Variants in MPPED2 observed in about 807,000 individuals in gnomAD.
MPPED2 encodes the protein metallophosphoesterase domain containing 2.
A neutral mutation model predicts 33.0 loss-of-function variants in MPPED2; 5 were observed. The observed-to-expected ratio is 0.15, with a 90% CI of 0.08 to 0.32. The LOEUF (loss-of-function observed/expected upper bound fraction) is 0.32. Among genes scored for constraint, MPPED2 ranks in the 10% least tolerant of loss-of-function variants. The probability of loss-of-function intolerance (pLI) is 1.00; values close to 1 mark genes in which losing one functional copy is unlikely to be tolerated. For missense variants in MPPED2, 275 were observed against 372.1 expected (o/e 0.74, Z 2.15); for synonymous variants, 136 against 141.9 (o/e 0.96, Z 0.29).
At chr11:30,470,679 G>A (rs1220344415) in intron 4 of MPPED2, among the ~76,000 whole-genome samples, 1 of 151,980 alleles carries the variant, frequency 6.6e-6, no homozygotes, top group African/African-American at 2.4e-5. Flanking sequence ...AATCATCTGT[G>A]CCCTGAGCTA....
chr11:30,511,528 C>A (rs561627842), intron 3 of MPPED2, among the ~76,000 whole-genome samples: 1 of 152,038 alleles, frequency 6.6e-6, no homozygotes, highest in Non-Finnish European at 1.5e-5. Context: ...CCTTTTTCAA[C>A]GAACAGTAAA....
chr11:30,420,406 T>C (rs770406680), intron 4 of MPPED2, among the ~76,000 whole-genome samples: 1 of 152,238 alleles, frequency 6.6e-6, no homozygotes, highest in Non-Finnish European at 1.5e-5. Context: ...ACCTGGATTT[T>C]AGTCCAGTGA....
chr11:30,464,267 T>G (rs1950617018), intron 4 of MPPED2, among the ~76,000 whole-genome samples: 1 of 62,436 alleles, frequency 1.6e-5, no homozygotes, highest in African/African-American at 1.3e-4. Context: ...GAAAGGATAC[T>G]AACACACACA....
intron 4 of MPPED2, among the ~76,000 whole-genome samples, chr11:30,419,409 C>A (rs1466312563): frequency 2.0e-5 from 3 of 152,298 alleles, no homozygotes; most frequent in African/African-American, 7.2e-5. Context: ...CTCTTTCAAG[C>A]TTGAGTATCT....
chr11:30,533,290 GC>G (rs942984666), intron 3 of MPPED2, among the ~76,000 whole-genome samples: 3 of 152,080 alleles, frequency 2.0e-5, no homozygotes, highest in Admixed American at 6.6e-5. Flanking sequence ...TAGAGGGAGT[GC>G]CTGGCCTATA....
chr11:30,438,145 G>A (rs558819093), intron 4 of MPPED2, among the ~76,000 whole-genome samples: 2 of 152,276 alleles, frequency 1.3e-5, no homozygotes, highest in East Asian at 3.9e-4. Flanking sequence ...AAAGTATATT[G>A]AGCCCTACTA....
chr11:30,470,628 C>A (rs1405486445), intron 4 of MPPED2, among the ~76,000 whole-genome samples: 2 of 152,128 alleles, frequency 1.3e-5, no homozygotes, highest in Non-Finnish European at 2.9e-5. Context: ...AAAACTTTTT[C>A]TAAAAGCCAA....
Position 30,535,873 on chromosome 11 carries a change from C to T in MPPED2, c.310+121G>A, listed in dbSNP as rs112834968. 16 of 720,452 alleles carry T rather than the reference C, an allele frequency of 2.2e-5. No individual in the cohort carries two copies. The East Asian group carries it at 3.7e-4, about 17-fold the overall frequency. The allele number at this position is 720,452 out of a possible 1,614,324, so 44.6% of individuals were successfully genotyped here. ...GAATTGGATTAAAGCTAGACACCACCGCATATCATACGAGAAATGGCTGAG... is the reference window on the plus strand; with the variant it reads ...GAATTGGATTAAAGCTAGACACCACTGCATATCATACGAGAAATGGCTGAG... On this transcript the variant is annotated intron_variant, in intron 3 of 6. Transcript: ENST00000358117.
chr11:30,462,683 C>CTAATAA (rs1190167889), intron 4 of MPPED2, among the ~76,000 whole-genome samples: 1 of 151,970 alleles, frequency 6.6e-6, no homozygotes, highest in Non-Finnish European at 1.5e-5. Context: ...AACAAGAAGT[C>CTAATAA]TAATAATGTT....
chr11:30,565,429 T>C (rs1384650325), intron 2 of MPPED2, among the ~76,000 whole-genome samples: 1 of 152,106 alleles, frequency 6.6e-6, no homozygotes, highest in African/African-American at 2.4e-5. Context: ...AAACCATAAT[T>C]TACCTAAACA....
At chr11:30,526,597 G>C (rs1372404090) in intron 3 of MPPED2, among the ~76,000 whole-genome samples, 1 of 151,690 alleles carries the variant, frequency 6.6e-6, no homozygotes, top group African/African-American at 2.4e-5. Flanking sequence ...CATAGGAAGA[G>C]TTAATCTTAT....
intron 3 of MPPED2, among the ~76,000 whole-genome samples, chr11:30,523,979 G>A (rs901854173): frequency 1.6e-4 from 24 of 152,110 alleles, no homozygotes; most frequent in Admixed American, 5.9e-4. Flanking sequence ...GGCTGGGCGC[G>A]GTGGCTCATG....
At chr11:30,391,827 G>A (rs1412332111) in intron 6 of MPPED2, among the ~76,000 whole-genome samples, 3 of 151,996 alleles carry the variant, frequency 2.0e-5, no homozygotes, top group Non-Finnish European at 2.9e-5. Flanking sequence ...CACATCTAAA[G>A]CCCCAACATT....
At chr11:30,475,692 T>C (rs1951162298) in intron 4 of MPPED2, among the ~76,000 whole-genome samples, 1 of 152,162 alleles carries the variant, frequency 6.6e-6, no homozygotes, top group South Asian at 2.1e-4. Context: ...TGTTGGTTAT[T>C]GTGAATAAAG....
intron 2 of MPPED2, among the ~76,000 whole-genome samples, chr11:30,545,369 C>T (rs1590799860): frequency 6.6e-6 from 1 of 152,032 alleles, no homozygotes; most frequent in Non-Finnish European, 1.5e-5. Flanking sequence ...TGATGGTTAT[C>T]GTAAACAGAA....
intron 2 of MPPED2, among the ~76,000 whole-genome samples, chr11:30,578,654 T>A (rs1478354464): frequency 6.6e-6 from 1 of 152,216 alleles, no homozygotes; most frequent in African/African-American, 2.4e-5. Flanking sequence ...AAACACACTT[T>A]GTTTTGCTTG....
chr11:30,558,233 T>C (rs1339474451), intron 2 of MPPED2, among the ~76,000 whole-genome samples: 1 of 152,092 alleles, frequency 6.6e-6, no homozygotes, highest in Non-Finnish European at 1.5e-5. Context: ...GGCTGAGTGG[T>C]TTATAGTCAC....
intron 2 of MPPED2, among the ~76,000 whole-genome samples, chr11:30,578,747 A>G (rs1157756273): frequency 6.6e-6 from 1 of 152,222 alleles, no homozygotes; most frequent in Non-Finnish European, 1.5e-5. Flanking sequence ...AAGCTATTCT[A>G]AAGTATGGCT....
chr11:30,579,972 C>T (rs1459529416), intron 2 of MPPED2, among the ~76,000 whole-genome samples: 1 of 152,048 alleles, frequency 6.6e-6, no homozygotes, highest in African/African-American at 2.4e-5. Flanking sequence ...TGTTCTTTTC[C>T]GTTCTTATCT....
Sources: gnomAD v4.1 joint callset for allele counts (sites outside exome capture counted in the v4.1 genomes callset) on GRCh38, gnomAD v4.1.1 for gene constraint, MANE v1.5 for transcripts, NCBI Gene and HGNC (gene_info 2026-07-23, HGNC 2026-07-21) for gene names.